Variants in PRKG1 observed in about 807,000 individuals in gnomAD.
PRKG1 encodes the protein cGMP-dependent protein kinase 1.
A neutral mutation model predicts 88.1 loss-of-function variants in PRKG1; 35 were observed. That is an observed-to-expected ratio of 0.40 (90% confidence interval 0.30 to 0.53). The LOEUF (loss-of-function observed/expected upper bound fraction) is 0.53. Ranked by LOEUF, PRKG1 falls within the 20% of genes least tolerant of loss-of-function variation. The pLI is 0.59. For synonymous variants in PRKG1, 303 were observed against 292.5 expected (o/e 1.04, Z -0.37); for missense variants, 540 against 839.8 (o/e 0.64, Z 4.41).
chr10:51,343,388 T>G (rs1431033069), intron 2 of PRKG1, among the ~76,000 whole-genome samples: 1 of 152,202 alleles, frequency 6.6e-6, no homozygotes, highest in East Asian at 1.9e-4. Flanking sequence ...TGGTTATTTC[T>G]GTTAAAATGG....
intron 4 of PRKG1, among the ~76,000 whole-genome samples, chr10:51,862,214 A>T (rs1378345499): frequency 1.3e-5 from 2 of 152,160 alleles, no homozygotes; most frequent in Non-Finnish European, 2.9e-5. Context: ...ATTTGTTCCC[A>T]CTGCCCATAG....
At chr10:51,944,465 T>A (rs2133037664) in intron 5 of PRKG1, among the ~76,000 whole-genome samples, 1 of 152,170 alleles carries the variant, frequency 6.6e-6, no homozygotes, top group East Asian at 1.9e-4. Context: ...TCAGTTCTGC[T>A]CTGATTTTAG....
At chr10:51,329,711 G>T (rs1415619681) in intron 2 of PRKG1, among the ~76,000 whole-genome samples, 1 of 151,998 alleles carries the variant, frequency 6.6e-6, no homozygotes, top group East Asian at 1.9e-4. Context: ...TCTTAGCTGG[G>T]TTCCTTGTTT....
intron 3 of PRKG1, among the ~76,000 whole-genome samples, chr10:51,548,109 G>A (rs1429218799): frequency 6.6e-6 from 1 of 152,058 alleles, no homozygotes; most frequent in Non-Finnish European, 1.5e-5. Flanking sequence ...TTCTCTGGAA[G>A]AACAGTGGCT....
At chr10:52,198,655 G>A (rs968772995) in intron 9 of PRKG1, among the ~76,000 whole-genome samples, 1 of 152,070 alleles carries the variant, frequency 6.6e-6, no homozygotes, top group African/African-American at 2.4e-5. Flanking sequence ...TCCTGTCACA[G>A]GGCCCAATCA....
At chr10:51,189,782 C>T (rs1304293309) in intron 2 of PRKG1, among the ~76,000 whole-genome samples, 4 of 151,962 alleles carry the variant, frequency 2.6e-5, no homozygotes, top group Admixed American at 1.3e-4. Context: ...ATTATATAAA[C>T]AATAAATGAA....
chr10:51,858,700 C>G (rs1361172946), intron 4 of PRKG1, among the ~76,000 whole-genome samples: 3 of 151,496 alleles, frequency 2.0e-5, no homozygotes, highest in Non-Finnish European at 4.4e-5. Context: ...CTGCCATATT[C>G]CAGGTGTGGT....
chr10:52,029,148 C>T (rs1432378172), intron 5 of PRKG1, among the ~76,000 whole-genome samples: 3 of 152,192 alleles, frequency 2.0e-5, no homozygotes, highest in Non-Finnish European at 4.4e-5. Context: ...TTATGTTCTG[C>T]TCTTTGCTAT....
chr10:52,111,185 T>G (rs1332895717), intron 7 of PRKG1, among the ~76,000 whole-genome samples: 1 of 152,162 alleles, frequency 6.6e-6, no homozygotes, highest in African/African-American at 2.4e-5. Flanking sequence ...TCACACAAGA[T>G]AGAAAGTTGC....
intron 1 of PRKG1, among the ~76,000 whole-genome samples, chr10:51,061,201 T>C (rs532511101): frequency 1.5e-4 from 23 of 152,182 alleles, no homozygotes; most frequent in African/African-American, 5.5e-4. Context: ...CTCACAGTCA[T>C]GGTGGAAGAC....
intron 8 of PRKG1, among the ~76,000 whole-genome samples, chr10:52,161,490 A>G (rs1334254213): frequency 6.6e-6 from 1 of 152,100 alleles, no homozygotes; most frequent in African/African-American, 2.4e-5. Context: ...TTTAAATAAC[A>G]GTACCTGGCA....
chr10:51,967,745 C>T (rs567893546), intron 5 of PRKG1, among the ~76,000 whole-genome samples: 1 of 152,226 alleles, frequency 6.6e-6, no homozygotes, highest in South Asian at 2.1e-4. Flanking sequence ...CAGAAAGTTT[C>T]CTTCCCTAGC....
At position 51,571,210 on chromosome 10, in the gene PRKG1, G is replaced by A. The variant is rs370150860; in HGVS notation, c.592+103374G>A. On this transcript the variant is annotated intron_variant, in intron 3 of 17. Transcript: ENST00000373980. ...TGCCATGTAGGAATCCTCAGTTAAT[G>A]TTAGCTGCTATTAATACAATTATTA... Among the ~76,000 whole-genome samples the A allele has an allele frequency of 5.3e-5, 8 of 151,848 alleles. No homozygotes were observed. In the South Asian group the frequency reaches 1.5e-3, roughly 28 times the overall value.
chr10:51,571,015 A>C (rs989030432), intron 3 of PRKG1, among the ~76,000 whole-genome samples: 2 of 151,914 alleles, frequency 1.3e-5, no homozygotes, highest in East Asian at 1.9e-4. Flanking sequence ...TCTTCCTTAC[A>C]CAAGTTCTGT....
At chr10:52,273,535 T>C (rs1213980688) in intron 12 of PRKG1, among the ~76,000 whole-genome samples, 1 of 152,084 alleles carries the variant, frequency 6.6e-6, no homozygotes, top group East Asian at 1.9e-4. Flanking sequence ...ACTGTTGATT[T>C]AAATTCTCAT....
intron 2 of PRKG1, among the ~76,000 whole-genome samples, chr10:51,221,876 C>CTTTTT (rs11405552): frequency 4.7e-5 from 6 of 127,174 alleles, no homozygotes; most frequent in Non-Finnish European, 8.1e-5. Flanking sequence ...TCTTTTCTTT[C>CTTTTT]TTTTTTTTTT....
At chr10:51,073,850 C>T (rs1843875220), upstream of PRKG1, among the ~76,000 whole-genome samples, 2 of 152,128 alleles carry the variant, frequency 1.3e-5, no homozygotes, top group Admixed American at 6.5e-5. Context: ...CTGTGTGAGG[C>T]GCTCTGGGTG....
rs147996795 is a variant in PRKG1, at chr10:52,043,105, A to G, written c.763-11379A>G. 9.9e-5 allele frequency among the ~76,000 whole-genome samples: 15 copies of G among 152,254 alleles called. No homozygotes were observed. The East Asian group carries it at 2.7e-3, about 27-fold the overall frequency. On this transcript the variant is annotated intron_variant, in intron 5 of 17. Coordinates refer to ENST00000373980, the MANE Select transcript of PRKG1 (RefSeq NM_006258.4). The stretch of plus-strand genomic sequence containing the variant: ...ATTAGTGAGTATGTGGATAAAAAGG[A>G]ATCTTATTCTTTGTAGGAATGTAAA...
chr10:52,133,017 T>C (rs1460186856), intron 7 of PRKG1, among the ~76,000 whole-genome samples: 1 of 138,078 alleles, frequency 7.2e-6, no homozygotes, highest in South Asian at 2.4e-4. Flanking sequence ...CGTCATCATA[T>C]TGTACTATCA....
Sources: gnomAD v4.1 joint callset for allele counts (sites outside exome capture counted in the v4.1 genomes callset) on GRCh38, gnomAD v4.1.1 for gene constraint, MANE v1.5 for transcripts, NCBI Gene and HGNC (gene_info 2026-07-23, HGNC 2026-07-21) for gene names.